The following NTNG1 variants were observed in gnomAD, a reference collection of about 807,000 sequenced individuals.
NTNG1 encodes the protein netrin-G1.
Under a neutral mutation model 54.0 loss-of-function variants are expected in NTNG1, and 16 were observed. The ratio of observed to expected loss-of-function variants is 0.30; its 90% CI spans 0.20 to 0.45. The LOEUF (loss-of-function observed/expected upper bound fraction) is 0.45. Among genes scored for constraint, NTNG1 ranks in the 20% least tolerant of loss-of-function variants. The pLI is 1.00. For synonymous variants in NTNG1, 255 were observed against 263.1 expected (o/e 0.97, Z 0.30); for missense variants, 530 against 678.7 (o/e 0.78, Z 2.43).
chr1:107,395,573 G>C (rs1672636845), intron 4 of NTNG1: 1 of 666,806 alleles, frequency 1.5e-6, no homozygotes, highest in South Asian at 1.5e-5. Context: ...ATCACAGAAG[G>C]AATTTTTTAT....
chr1:107,231,517 A>C (rs1001883284), intron 2 of NTNG1, among the ~76,000 whole-genome samples: 2 of 152,332 alleles, frequency 1.3e-5, no homozygotes, highest in Non-Finnish European at 2.9e-5. Flanking sequence ...TTTGGGGCTA[A>C]TTCATCTCAG....
intron 2 of NTNG1, among the ~76,000 whole-genome samples, chr1:107,218,703 C>T (rs1433771435): frequency 6.6e-6 from 1 of 152,134 alleles, no homozygotes; most frequent in Non-Finnish European, 1.5e-5. Flanking sequence ...ATCTTTCCTT[C>T]ATTTATGAGG....
At chr1:107,465,541 T>C (rs1164031061) in intron 7 of NTNG1, among the ~76,000 whole-genome samples, 1 of 152,244 alleles carries the variant, frequency 6.6e-6, no homozygotes, top group Non-Finnish European at 1.5e-5. Context: ...TCATCTGCCA[T>C]AAGGCTTCAA....
chr1:107,164,594 ACACTT>A (rs1377337659), intron 2 of NTNG1, among the ~76,000 whole-genome samples: 15 of 152,204 alleles, frequency 9.9e-5, no homozygotes, highest in African/African-American at 3.4e-4. Flanking sequence ...ACTGTGATAA[ACACTT>A]CAAAGAAGAA....
intron 3 of NTNG1, among the ~76,000 whole-genome samples, chr1:107,376,235 C>T (rs987006542): frequency 2.6e-5 from 4 of 151,036 alleles, no homozygotes; most frequent in Admixed American, 6.6e-5. Context: ...AGTGAAACCC[C>T]GTCTCTACTA....
chr1:107,152,992 A>T (rs1055191057), intron 2 of NTNG1, among the ~76,000 whole-genome samples: 1 of 152,244 alleles, frequency 6.6e-6, no homozygotes, highest in Non-Finnish European at 1.5e-5. Flanking sequence ...TGCTCTCGAT[A>T]GGCATTTATT....
intron 3 of NTNG1, 118 bp downstream of exon 3, chr1:107,325,040 C>A: frequency 9.6e-7 from 1 of 1,045,050 alleles, no homozygotes; most frequent in Non-Finnish European, 1.4e-6. Flanking sequence ...TCTTCAGGAA[C>A]TCCACTGTAG....
chr1:107,196,961 T>G (rs1658386521), intron 2 of NTNG1, among the ~76,000 whole-genome samples: 2 of 151,932 alleles, frequency 1.3e-5, no homozygotes, highest in Non-Finnish European at 2.9e-5. Context: ...TGTGCGCACG[T>G]GCATGCATGT....
At chr1:107,239,889 TCAA>T (rs1199182592) in intron 2 of NTNG1, among the ~76,000 whole-genome samples, 5 of 152,228 alleles carry the variant, frequency 3.3e-5, no homozygotes, top group Admixed American at 2.6e-4. Context: ...ACTGTTCTGT[TCAA>T]CAACAAGGTC....
intron 7 of NTNG1, among the ~76,000 whole-genome samples, chr1:107,476,677 C>T (rs1678354694): frequency 6.6e-6 from 1 of 152,180 alleles, no homozygotes; most frequent in South Asian, 2.1e-4. Flanking sequence ...CAAGTCCATT[C>T]TATTTGAGTA....
chr1:107,401,372 G>A (rs1029203006), intron 4 of NTNG1, among the ~76,000 whole-genome samples: 5 of 152,130 alleles, frequency 3.3e-5, no homozygotes, highest in African/African-American at 1.2e-4. Flanking sequence ...AGTTATTCAG[G>A]TACAACCACT....
chr1:107,370,416 T>G (rs952982757), intron 3 of NTNG1, among the ~76,000 whole-genome samples: 3 of 151,944 alleles, frequency 2.0e-5, no homozygotes, highest in Non-Finnish European at 4.4e-5. Flanking sequence ...ATGAGTAAGT[T>G]CTTTAGTGGT....
intron 2 of NTNG1, among the ~76,000 whole-genome samples, chr1:107,209,300 T>C (rs1478619497): frequency 2.6e-5 from 4 of 152,078 alleles, no homozygotes; most frequent in Non-Finnish European, 5.9e-5. Context: ...ATTCAAGTAA[T>C]GTTTTTCCAG....
At chr1:107,341,952 T>A (rs1424263586) in intron 3 of NTNG1, among the ~76,000 whole-genome samples, 2 of 151,924 alleles carry the variant, frequency 1.3e-5, no homozygotes, top group African/African-American at 4.8e-5. Context: ...GAACAGGGGT[T>A]CCGCAGGAAA....
Position 107,217,784 on chromosome 1 carries a change from A to G in NTNG1, c.246+68945A>G, listed in dbSNP as rs192931278. Among the ~76,000 whole-genome samples the G allele has an allele frequency of 3.2e-3, 493 of 152,124 alleles. 4 individuals are homozygous for G. The highest frequency in any genetic ancestry group is 6.2e-3 in the South Asian group (30 of 4,816). ...AGGGTTCCTTTGGAGTTGATTTCCA[A>G]TTTTATTCCACTGTGGTCTGAGAGA... On this transcript the variant is annotated intron_variant, in intron 2 of 7. Transcript: ENST00000370068.
At chr1:107,367,869 C>T (rs993517195) in intron 3 of NTNG1, among the ~76,000 whole-genome samples, 11 of 152,188 alleles carry the variant, frequency 7.2e-5, no homozygotes, top group Admixed American at 3.9e-4. Context: ...TCAAGCGATT[C>T]TCCCACCTCA....
chr1:107,181,891 C>T (rs996687278), intron 2 of NTNG1, among the ~76,000 whole-genome samples: 2 of 152,058 alleles, frequency 1.3e-5, no homozygotes, highest in African/African-American at 4.8e-5. Context: ...TAGATAAGAG[C>T]ACTGATTTGC....
At chr1:107,337,202 G>T (rs1319431889) in intron 3 of NTNG1, among the ~76,000 whole-genome samples, 2 of 152,020 alleles carry the variant, frequency 1.3e-5, no homozygotes, top group African/African-American at 4.8e-5. Flanking sequence ...AAAGGTGGAA[G>T]CCACCCAAGT....
At chr1:107,275,491 C>G (rs1664407724) in intron 2 of NTNG1, among the ~76,000 whole-genome samples, 1 of 152,132 alleles carries the variant, frequency 6.6e-6, no homozygotes, top group African/African-American at 2.4e-5. Flanking sequence ...AAGCTGTAGA[C>G]CCAGGAGAGG....
Sources: allele counts gnomAD v4.1 joint callset (sites outside exome capture counted in the v4.1 genomes callset), GRCh38; gene constraint gnomAD v4.1.1; transcripts MANE v1.5; gene names NCBI Gene and HGNC (gene_info 2026-07-23, HGNC 2026-07-21).